The following ZNF385C variants were observed in gnomAD, a reference collection of about 807,000 sequenced individuals.
The protein encoded by ZNF385C is zinc finger protein 385C.
Under a neutral mutation model 35.4 loss-of-function variants are expected in ZNF385C, and 28 were observed. The ratio of observed to expected loss-of-function variants is 0.79; its 90% confidence interval spans 0.59 to 1.08. The LOEUF (loss-of-function observed/expected upper bound fraction) is 1.08, where lower values mean the gene tolerates loss of function less well. ZNF385C is among the 50% of genes least tolerant of loss of function. ZNF385C has a pLI of 0.00. For missense variants in ZNF385C, 605 were observed against 595.6 expected, an observed-to-expected ratio of 1.02 and a Z score of -0.16; for synonymous variants, 248 against 248.2, an observed-to-expected ratio of 1.00 and a Z score of 0.01.
chr17:42,028,206 A>G lies in ZNF385C; in HGVS notation c.1008T>C (p.Ala336=). The G allele has an allele frequency of 6.4e-7, 1 of 1,564,358 alleles. No homozygotes were observed. Among genetic ancestry groups the G allele is most frequent in the Non-Finnish European group, 8.6e-7 (1 of 1,157,518 alleles). ...CCGGGCGGCCCCGGCTCCTCCGGGG[A>G]GCCCCTCGCTGACCTTCCATCATCC... ...HRWMMEGQRG[A]PRRSRGRPVS... is the part of the protein sequence containing the mutation. The change falls in exon 7 of 9, where the codon GCT becomes GCC. Residue 336 remains alanine, a synonymous_variant. Coordinates refer to ENST00000692273, the MANE Select transcript of ZNF385C (RefSeq NM_001392013.1).
rs1219867783 is a variant in ZNF385C at position 42,026,539 on chromosome 17, G to A, written c.*358C>T. On this transcript the variant is annotated 3_prime_UTR_variant, in exon 9 of 9. Coordinates refer to ENST00000692273, the MANE Select transcript of ZNF385C (RefSeq NM_001392013.1). ...AATAGAGGTCAGAGAGTCGTCCCCT[G>A]GCTAGGAGAGGATGGCTTGTAGAAG... 3.1e-6 allele frequency: 1 copy of A among 326,846 alleles called. No individual in the cohort carries two copies. The highest frequency in any genetic ancestry group is 5.8e-6 in the Non-Finnish European group (1 of 173,094). The allele number at this position is 326,846 out of a possible 1,614,324, so 20.2% of individuals were successfully genotyped here. A position where few individuals can be genotyped will look rare whatever the true frequency, so the allele number is the denominator to read the frequency against.
At chr17:42,045,310 C>T (rs1367013043) in intron 2 of ZNF385C, among the ~76,000 whole-genome samples, 1 of 152,258 alleles carries the variant, frequency 6.6e-6, no homozygotes, top group Non-Finnish European at 1.5e-5. Flanking sequence ...CTCGGCCTCC[C>T]AAAGTGCTGG....
chr17:42,042,948 C>T (rs1171118023), intron 2 of ZNF385C: 28 of 1,232,374 alleles, frequency 2.3e-5, no homozygotes, highest in Non-Finnish European at 2.6e-5. Flanking sequence ...GGTCATTGGG[C>T]ACATCCTCCT....
intron 2 of ZNF385C, among the ~76,000 whole-genome samples, chr17:42,052,084 G>A (rs1266747890): frequency 4.6e-5 from 7 of 152,144 alleles, no homozygotes; most frequent in Admixed American, 2.0e-4. Flanking sequence ...ATTTTGCTGC[G>A]GAACAGCCAC....
intron 2 of ZNF385C, among the ~76,000 whole-genome samples, chr17:42,046,627 ACTAAAAATAAAAATACG>A (rs755446677): frequency 3.5e-4 from 53 of 152,038 alleles, no homozygotes; most frequent in Non-Finnish European, 6.0e-4. Flanking sequence ...AAAATTTTAA[ACTAAAAATAAAAATACG>A]AGAGGCCAAG....
intron 2 of ZNF385C, among the ~76,000 whole-genome samples, chr17:42,059,511 C>G (rs560368874): frequency 1.3e-5 from 2 of 152,310 alleles, no homozygotes; most frequent in South Asian, 4.1e-4. Context: ...TACTGAGGGG[C>G]ATGGGGACTG....
At chr17:42,044,072 T>C (rs1224005346) in intron 2 of ZNF385C, among the ~76,000 whole-genome samples, 3 of 147,578 alleles carry the variant, frequency 2.0e-5, no homozygotes, top group African/African-American at 7.5e-5. Flanking sequence ...TCCCAGCACT[T>C]TGGGAGGTGG....
intron 2 of ZNF385C, among the ~76,000 whole-genome samples, chr17:42,060,144 C>A (rs892394979): frequency 6.6e-6 from 1 of 152,168 alleles, no homozygotes; most frequent in Non-Finnish European, 1.5e-5. Context: ...TCTCAGCACC[C>A]CCTTTCTGAT....
intron 1 of ZNF385C, among the ~76,000 whole-genome samples, chr17:42,094,591 T>G (rs574604571): frequency 1.3e-5 from 2 of 150,962 alleles, no homozygotes; most frequent in Non-Finnish European, 3.0e-5. Context: ...AAGGACAGGG[T>G]CAGGAGAGGG....
chr17:42,083,439 C>G (rs573827306), intron 1 of ZNF385C, among the ~76,000 whole-genome samples: 4 of 152,060 alleles, frequency 2.6e-5, no homozygotes, highest in African/African-American at 9.6e-5. Flanking sequence ...GATCTCCTAA[C>G]CTCATGATCC....
At chr17:42,032,095 C>G (rs1292050331) in intron 4 of ZNF385C, among the ~76,000 whole-genome samples, 1 of 152,176 alleles carries the variant, frequency 6.6e-6, no homozygotes, top group Non-Finnish European at 1.5e-5. Flanking sequence ...GAGTCTCGCT[C>G]TGTCGCCCAG....
At chr17:42,027,551 C>CACA in intron 8 of ZNF385C, 67 bp downstream of exon 8, 6 of 525,320 alleles carry the variant, frequency 1.1e-5, no homozygotes, top group Admixed American at 3.3e-5. Flanking sequence ...GCCCCCCCAT[C>CACA]TGGCCCTCCC....
At chr17:42,088,579 C>T (rs2053834008) in intron 1 of ZNF385C, among the ~76,000 whole-genome samples, 1 of 152,260 alleles carries the variant, frequency 6.6e-6, no homozygotes, top group Admixed American at 6.5e-5. Flanking sequence ...CCCACCCCAA[C>T]CTCAGCAGGG....
intron 1 of ZNF385C, among the ~76,000 whole-genome samples, chr17:42,080,372 C>G (rs2053735188): frequency 6.6e-6 from 1 of 152,198 alleles, no homozygotes; most frequent in Non-Finnish European, 1.5e-5. Context: ...CTGTAAGTCT[C>G]CCTGACCCTC....
At chr17:42,080,792 T>C (rs79995639) in intron 1 of ZNF385C, among the ~76,000 whole-genome samples, 17,782 of 152,224 alleles carry the variant, frequency 0.12, 1,721 homozygotes, top group African/African-American at 0.26. Context: ...ACATGTCCTG[T>C]GCCCCCCAGG....
intron 2 of ZNF385C, among the ~76,000 whole-genome samples, chr17:42,047,676 CAG>C (rs1288522114): frequency 1.3e-5 from 2 of 151,398 alleles, no homozygotes; most frequent in Non-Finnish European, 2.9e-5. Context: ...TTTTTCGAGA[CAG>C]AGTCTTGCTC....
At chr17:42,061,081 C>T (rs895799429) in intron 2 of ZNF385C, among the ~76,000 whole-genome samples, 5 of 152,080 alleles carry the variant, frequency 3.3e-5, no homozygotes, top group Admixed American at 6.6e-5. Context: ...AACTCATCTG[C>T]ATATGTATTT....
chr17:42,093,880 C>G (rs373696269), intron 1 of ZNF385C, among the ~76,000 whole-genome samples: 1 of 151,538 alleles, frequency 6.6e-6, no homozygotes, highest in African/African-American at 2.4e-5. Context: ...CCACTGCACT[C>G]GGCCCATCCA....
chr17:42,072,973 C>G (rs1279107596), intron 1 of ZNF385C, among the ~76,000 whole-genome samples: 2 of 152,200 alleles, frequency 1.3e-5, no homozygotes, highest in Non-Finnish European at 2.9e-5. Flanking sequence ...CTTCCGCCCC[C>G]GGCCGCTACC....
Sources: allele counts gnomAD v4.1 joint callset (sites outside exome capture counted in the v4.1 genomes callset), GRCh38; gene constraint gnomAD v4.1.1; transcripts MANE v1.5; gene names NCBI Gene and HGNC (gene_info 2026-07-23, HGNC 2026-07-21).